The following ENOX2 variants were observed in gnomAD, a reference collection of about 807,000 sequenced individuals.
ENOX2 encodes the protein APK1 antigen.
A neutral mutation model predicts 45.0 loss-of-function variants in ENOX2; 36 were observed. The observed-to-expected ratio is 0.80, with a 90% CI of 0.61 to 1.06. The LOEUF is 1.06. Ranked by LOEUF, ENOX2 falls within the 50% of genes least tolerant of loss-of-function variation. The pLI is 0.00. For missense variants in ENOX2, 423 were observed against 462.5 expected (o/e 0.91, Z 0.78); for synonymous variants, 174 against 152.3 (o/e 1.14, Z -1.05).
intron 7 of ENOX2, among the ~76,000 whole-genome samples, chrX:130,669,123 ATGAGT>A (rs1463637733): frequency 8.9e-6 from 1 of 112,231 alleles, no homozygotes; most frequent in Non-Finnish European, 1.9e-5. Flanking sequence ...CAGTATCTTG[ATGAGT>A]TGAGAACACA....
intron 2 of ENOX2, among the ~76,000 whole-genome samples, chrX:130,829,521 G>A (rs187387700): frequency 9.0e-6 from 1 of 111,342 alleles, no homozygotes; most frequent in East Asian, 2.8e-4. Flanking sequence ...CTCTAAATAG[G>A]GTGTTAGGGG....
chrX:130,826,519 C>A (rs1326346910), intron 2 of ENOX2, among the ~76,000 whole-genome samples: 1 of 111,836 alleles, frequency 8.9e-6, no homozygotes, highest in Non-Finnish European at 1.9e-5. Context: ...TAATTATACA[C>A]AACATTCTCT....
At chrX:130,677,538 T>C (rs764466219) in intron 6 of ENOX2, among the ~76,000 whole-genome samples, 1 of 111,903 alleles carries the variant, frequency 8.9e-6, no homozygotes, top group Non-Finnish European at 1.9e-5. Flanking sequence ...AGTAGTTCAA[T>C]GTGGCAGTAT....
At chrX:130,785,086 G>C (rs1463502063) in intron 2 of ENOX2, among the ~76,000 whole-genome samples, 2 of 109,561 alleles carry the variant, frequency 1.8e-5, no homozygotes, top group East Asian at 5.8e-4. Context: ...AGCACTTTGG[G>C]AGGCCGAGGC....
intron 2 of ENOX2, among the ~76,000 whole-genome samples, chrX:130,900,850 C>G (rs765914268): frequency 8.9e-6 from 1 of 112,307 alleles, no homozygotes; most frequent in South Asian, 3.7e-4. Flanking sequence ...AGCTCCCCAG[C>G]TAGACCCCAG....
chrX:130,768,051 G>T (rs1242132498), intron 3 of ENOX2, among the ~76,000 whole-genome samples: 1 of 111,847 alleles, frequency 8.9e-6, no homozygotes, highest in Non-Finnish European at 1.9e-5. Flanking sequence ...CAGGCTATTT[G>T]ACACTTTTAA....
intron 3 of ENOX2, among the ~76,000 whole-genome samples, chrX:130,722,937 G>C (rs997504938): frequency 1.8e-5 from 2 of 112,476 alleles, no homozygotes; most frequent in Admixed American, 9.4e-5. Flanking sequence ...TGAATCTGCT[G>C]TCTGACAACT....
intron 2 of ENOX2, among the ~76,000 whole-genome samples, chrX:130,884,171 A>C: frequency 8.9e-6 from 1 of 112,222 alleles, no homozygotes; most frequent in Non-Finnish European, 1.9e-5. Flanking sequence ...AAGTCTAAAG[A>C]ATGATAAAAG....
intron 12 of ENOX2, among the ~76,000 whole-genome samples, chrX:130,632,943 A>G (rs1024069902): frequency 4.5e-5 from 5 of 112,247 alleles, no homozygotes; most frequent in Non-Finnish European, 7.5e-5. Context: ...TGATACGGTA[A>G]GCCGTTTCTT....
chrX:130,884,695 A>G (rs2078872392), intron 2 of ENOX2, among the ~76,000 whole-genome samples: 1 of 110,978 alleles, frequency 9.0e-6, no homozygotes, highest in South Asian at 3.9e-4. Context: ...ACCATTTGGA[A>G]ATTTTAAAAG....
chrX:130,861,702 T>C (rs754532137), intron 2 of ENOX2, among the ~76,000 whole-genome samples: 6 of 111,626 alleles, frequency 5.4e-5, no homozygotes, highest in Admixed American at 1.9e-4. Flanking sequence ...CCTACATCTA[T>C]TGTACAGCAT....
At chrX:130,738,127 C>T (rs1188403103) in intron 3 of ENOX2, among the ~76,000 whole-genome samples, 1 of 112,264 alleles carries the variant, frequency 8.9e-6, no homozygotes, top group Admixed American at 9.4e-5. Flanking sequence ...GTTCACAAAG[C>T]TGGTGTCTTT....
intron 3 of ENOX2, among the ~76,000 whole-genome samples, chrX:130,711,834 T>C (rs2038200183): frequency 9.0e-6 from 1 of 111,514 alleles, no homozygotes; most frequent in African/African-American, 3.3e-5. Flanking sequence ...ATATTTAAGT[T>C]AGATCAATTT....
intron 3 of ENOX2, among the ~76,000 whole-genome samples, chrX:130,761,751 A>C (rs2039495586): frequency 9.0e-6 from 1 of 110,919 alleles, no homozygotes; most frequent in African/African-American, 3.3e-5. Flanking sequence ...AGATCTCCTA[A>C]GAACTCACCA....
chrX:130,645,965 GA>G, intron 10 of ENOX2: 1 of 681,400 alleles, frequency 1.5e-6, no homozygotes, highest in Non-Finnish European at 2.4e-6. Context: ...CCATTCAAGG[GA>G]AACACCTCAT....
rs948482267 is a variant in ENOX2, at chrX:130,805,346, G to A, written c.-182-21656C>T. Among the ~76,000 whole-genome samples, 82 of 111,826 alleles carry A rather than the reference G, an allele frequency of 7.3e-4. 1 individual carries two copies. The highest frequency in any genetic ancestry group is 2.4e-3 in the African/African-American group (74 of 30,782). ...CGGAAGAACATTTAAGCTGAATGTC[G>A]TGGAACGGCAGGGAATAACAGTCCA... On this transcript the variant is annotated intron_variant, in intron 2 of 14. Transcript: ENST00000394363.
At chrX:130,867,982 T>C (rs922341583) in intron 2 of ENOX2, among the ~76,000 whole-genome samples, 7 of 111,895 alleles carry the variant, frequency 6.3e-5, no homozygotes, top group Admixed American at 9.5e-5. Context: ...ATTTGATACA[T>C]AGAACATTTA....
intron 2 of ENOX2, among the ~76,000 whole-genome samples, chrX:130,859,961 AT>A (rs201407685): frequency 0.013 from 1,328 of 99,456 alleles, 13 homozygotes; most frequent in African/African-American, 0.033. Context: ...CTCCGAAACT[AT>A]TTTTTTTTTT....
chrX:130,642,503 T>C (rs1016909035), intron 10 of ENOX2, among the ~76,000 whole-genome samples: 2 of 112,717 alleles, frequency 1.8e-5, no homozygotes, highest in Non-Finnish European at 3.8e-5. Context: ...AAAGCAGTTA[T>C]GGGGTTTGAG....
Sources: allele counts gnomAD v4.1 joint callset (sites outside exome capture counted in the v4.1 genomes callset), GRCh38; gene constraint gnomAD v4.1.1; transcripts MANE v1.5; gene names NCBI Gene and HGNC (gene_info 2026-07-23, HGNC 2026-07-21).